FANCM: variants seen among roughly 807,000 people sequenced by gnomAD.
FANCM encodes Fanconi anemia group M protein.
FANCM carries 140 observed loss-of-function variants against 199.5 expected under a neutral mutation model. That is an observed-to-expected ratio of 0.70 (90% CI 0.61 to 0.81). The LOEUF is 0.81. Ranked by LOEUF, FANCM falls within the 30% of genes least tolerant of loss-of-function variation. FANCM has a pLI of 0.00. For missense variants in FANCM, 2,410 were observed against 2,421.4 expected, an observed-to-expected ratio of 1.00 and a Z score of 0.10; for synonymous variants, 840 against 836.8, an observed-to-expected ratio of 1.00 and a Z score of -0.07.
At chr14:45,156,657 C>CA (rs1211152471) in intron 8 of FANCM, among the ~76,000 whole-genome samples, 1 of 152,124 alleles carries the variant, frequency 6.6e-6, no homozygotes, top group Non-Finnish European at 1.5e-5. Context: ...CAGTGGCTCA[C>CA]ACCTGTAATC....
intron 9 of FANCM, among the ~76,000 whole-genome samples, chr14:45,161,784 GA>G (rs1411425926): frequency 2.0e-5 from 3 of 150,402 alleles, no homozygotes; most frequent in South Asian, 4.2e-4. Flanking sequence ...CTCAAAAAAA[GA>G]AAAAAAAATC....
chr14:45,158,670 T>G (rs1047663877), intron 8 of FANCM, among the ~76,000 whole-genome samples: 3 of 152,190 alleles, frequency 2.0e-5, no homozygotes, highest in Non-Finnish European at 4.4e-5. Context: ...ATGATAGCCA[T>G]TATGCCTGAG....
intron 3 of FANCM, 35 bp downstream of exon 3, chr14:45,140,744 G>C (rs546000070): frequency 7.4e-7 from 1 of 1,359,600 alleles, no homozygotes; most frequent in Non-Finnish European, 1.0e-6. Flanking sequence ...TTACAGTTAA[G>C]AAAATAAAGC....
At chr14:45,182,262 G>A (rs181434554) in intron 16 of FANCM, among the ~76,000 whole-genome samples, 14 of 152,282 alleles carry the variant, frequency 9.2e-5, no homozygotes, top group East Asian at 7.7e-4. Context: ...CAGAATAACA[G>A]CCTAAAGGAA....
intron 10 of FANCM, among the ~76,000 whole-genome samples, chr14:45,164,953 T>A (rs1887860757): frequency 6.6e-6 from 1 of 152,142 alleles, no homozygotes; most frequent in Non-Finnish European, 1.5e-5. Flanking sequence ...GCTGTCAAAA[T>A]AACTGACTAA....
intron 16 of FANCM, among the ~76,000 whole-genome samples, chr14:45,182,560 G>A (rs367585022): frequency 4.6e-5 from 7 of 152,278 alleles, no homozygotes; most frequent in South Asian, 2.1e-4. Flanking sequence ...AAGTCACAGC[G>A]TCTGGCAGGC....
chr14:45,172,091 T>C (rs1302353665), intron 12 of FANCM, among the ~76,000 whole-genome samples: 3 of 152,142 alleles, frequency 2.0e-5, no homozygotes, highest in Non-Finnish European at 1.5e-5. Context: ...TGGTTTTGAT[T>C]TGTATTTCTC....
In FANCM at chr14:45,154,067, A is replaced by T. The variant is rs1264043591; in HGVS notation, c.1183+15A>T. On this transcript the variant is annotated intron_variant, in intron 6 of 22. Coordinates refer to ENST00000267430, the MANE Select transcript of FANCM (RefSeq NM_020937.4). ...TGGAACTAAAGGTAAATTATATCAA[A>T]TTATTTAAAGAAATAATGACATGTA... 3 of 1,505,486 alleles carry T rather than the reference A, an allele frequency of 2.0e-6. No individual in the cohort carries two copies. Among genetic ancestry groups the T allele is most frequent in the Non-Finnish European group, 2.8e-6 (3 of 1,081,850 alleles). The allele number at this position is 1,505,486 out of a possible 1,614,324, so 93.3% of individuals were successfully genotyped here. A position where few individuals can be genotyped will look rare whatever the true frequency, so the allele number is the denominator to read the frequency against.
chr14:45,156,156 G>A (rs1006305587), intron 8 of FANCM, among the ~76,000 whole-genome samples: 11 of 152,010 alleles, frequency 7.2e-5, no homozygotes, highest in African/African-American at 2.7e-4. Flanking sequence ...GATAAGGGAG[G>A]AAGCCTTGTG....
At chr14:45,160,012 T>G (rs891853009) in intron 9 of FANCM, among the ~76,000 whole-genome samples, 9 of 150,330 alleles carry the variant, frequency 6.0e-5, no homozygotes, top group Admixed American at 1.3e-4. Context: ...GTTTTTTTTT[T>G]TTTTTTTAGA....
chr14:45,167,732 A>G (rs978285067), intron 11 of FANCM, among the ~76,000 whole-genome samples: 39 of 152,146 alleles, frequency 2.6e-4, no homozygotes, highest in African/African-American at 9.2e-4. Flanking sequence ...GTGAGAAAAA[A>G]TGTTTATTTT....
chr14:45,150,015 C>G (rs1886705011), intron 4 of FANCM, among the ~76,000 whole-genome samples: 1 of 152,152 alleles, frequency 6.6e-6, no homozygotes, highest in Non-Finnish European at 1.5e-5. Flanking sequence ...GTCATTTTCA[C>G]TGGGAGAAAT....
At chr14:45,164,085 A>G (rs1887788642) in intron 9 of FANCM, among the ~76,000 whole-genome samples, 3 of 152,280 alleles carry the variant, frequency 2.0e-5, no homozygotes, top group Admixed American at 1.3e-4. Flanking sequence ...AGTTAGTGCT[A>G]CATGCATACA....
Position 45,199,922 on chromosome 14 carries a change from G to A in FANCM, c.6061G>A (p.Glu2021Lys). 2 of 1,605,518 alleles carry A rather than the reference G, an allele frequency of 1.2e-6. No individual in the cohort carries two copies. ...ACAAGTAACTCATCAGAAGGCTGAG[G>A]AGATCTATAGATATATTCACTATGT... ...YAQVTHQKAE[E>K]IYRYIHYVFD... The change falls in exon 23 of 23, where the codon GAG (glutamate) becomes AAG (lysine). Residue 2021 changes from glutamate (E) to lysine (K), a missense_variant. Physicochemically the swap from Glu to Lys is moderately conservative, Grantham distance 56 (BLOSUM62 1). Transcript: ENST00000267430.
chr14:45,146,080 A>G (rs1466794810), intron 3 of FANCM, among the ~76,000 whole-genome samples: 3 of 149,300 alleles, frequency 2.0e-5, no homozygotes, highest in African/African-American at 5.0e-5. Context: ...AAGAAAAAAA[A>G]AATACAAAAT....
chr14:45,142,973 C>T (rs1412802551), intron 3 of FANCM, among the ~76,000 whole-genome samples: 2 of 152,124 alleles, frequency 1.3e-5, no homozygotes, highest in South Asian at 2.1e-4. Flanking sequence ...TGGTTCTTGG[C>T]TTGCAACAAT....
At chr14:45,188,572 C>T (rs997408448) in intron 19 of FANCM, among the ~76,000 whole-genome samples, 3 of 152,228 alleles carry the variant, frequency 2.0e-5, no homozygotes, top group African/African-American at 2.4e-5. Flanking sequence ...TTTCTACCTA[C>T]CTGTTATTAG....
intron 20 of FANCM, chr14:45,195,401 C>T (rs1201377310): frequency 2.5e-6 from 1 of 396,938 alleles, no homozygotes; most frequent in East Asian, 7.3e-5. Context: ...TTGAGAACTA[C>T]TTTTTCCTTT....
intron 13 of FANCM, among the ~76,000 whole-genome samples, chr14:45,173,657 A>G (rs1172898321): frequency 1.3e-5 from 2 of 152,214 alleles, no homozygotes; most frequent in South Asian, 2.1e-4. Flanking sequence ...TGCCTGGGTT[A>G]GAATCCTAAC....
Sources: gnomAD v4.1 joint callset for allele counts (sites outside exome capture counted in the v4.1 genomes callset) on GRCh38, gnomAD v4.1.1 for gene constraint, MANE v1.5 for transcripts, NCBI Gene and HGNC (gene_info 2026-07-23, HGNC 2026-07-21) for gene names.